GRB14: variants seen among roughly 807,000 people sequenced by gnomAD.
The protein encoded by GRB14 is growth factor receptor-bound protein 14.
In GRB14, 38 loss-of-function variants were observed where a neutral mutation model predicts 69.1. That is an observed-to-expected ratio of 0.55 (90% CI 0.42 to 0.72). GRB14 has a LOEUF of 0.72. Among genes scored for constraint, GRB14 ranks in the 30% least tolerant of loss-of-function variants. The probability of loss-of-function intolerance (pLI) is 0.00; values close to 1 mark genes in which losing one functional copy is unlikely to be tolerated. For synonymous variants in GRB14, 247 were observed against 241.3 expected (o/e 1.02, Z -0.22); for missense variants, 666 against 666.1 (o/e 1.00, Z 0.00).
chr2:164,564,949 A>G (rs1688933234), intron 2 of GRB14, among the ~76,000 whole-genome samples: 1 of 152,198 alleles, frequency 6.6e-6, no homozygotes, highest in African/African-American at 2.4e-5. Context: ...CAGGAGGCAG[A>G]GGTTGCAGTG....
At chr2:164,543,345 T>G (rs1481636850) in intron 3 of GRB14, among the ~76,000 whole-genome samples, 2 of 151,302 alleles carry the variant, frequency 1.3e-5, no homozygotes, top group African/African-American at 4.9e-5. Flanking sequence ...CATGGAATAC[T>G]ATGAAGCCAT....
intron 2 of GRB14, among the ~76,000 whole-genome samples, chr2:164,556,515 C>T (rs563681717): frequency 5.9e-5 from 9 of 152,272 alleles, no homozygotes; most frequent in Non-Finnish European, 1.2e-4. Context: ...TCACTTTATT[C>T]CCTACAATCC....
intron 2 of GRB14, among the ~76,000 whole-genome samples, chr2:164,609,680 T>C (rs1490495925): frequency 1.3e-5 from 2 of 152,210 alleles, no homozygotes; most frequent in East Asian, 3.8e-4. Context: ...CATTTAAATA[T>C]ATGACAAAAG....
chr2:164,544,517 T>C (rs1379545903), intron 3 of GRB14, among the ~76,000 whole-genome samples: 1 of 152,250 alleles, frequency 6.6e-6, no homozygotes, highest in Non-Finnish European at 1.5e-5. Flanking sequence ...CAGATATCTA[T>C]TGAGAATTAA....
intron 6 of GRB14, among the ~76,000 whole-genome samples, chr2:164,509,342 A>T (rs577452398): frequency 2.5e-4 from 38 of 152,342 alleles, no homozygotes; most frequent in African/African-American, 8.4e-4. Flanking sequence ...GTACAGTGGA[A>T]CACACCACAG....
At chr2:164,591,099 C>A (rs906718212) in intron 2 of GRB14, among the ~76,000 whole-genome samples, 1 of 152,146 alleles carries the variant, frequency 6.6e-6, no homozygotes, top group Admixed American at 6.5e-5. Context: ...TTTAACTGAG[C>A]TTTCCTCTCA....
In GRB14 at chr2:164,573,779, C is replaced by T. The variant is rs988156247; in HGVS notation, c.325-25963G>A. On this transcript the variant is annotated intron_variant, in intron 2 of 13. Transcript: ENST00000263915. The stretch of plus-strand genomic sequence containing the variant: ...CATATTTGAGACTTTCTGTCGCATC[C>T]ACCAGTGTATCAGCATTAACATGTT... 1.6e-5 allele frequency: 26 copies of T among 1,612,090 alleles called. No individual in the cohort carries two copies. In the Admixed American group the frequency reaches 4.0e-4, roughly 25 times the overall value.
chr2:164,494,538 A>C lies in GRB14; in HGVS notation c.1383-14T>G. ...ACCAAGAAAACTCTAAAGAGAGAGA[A>C]GGAATTTCAATGTTTCTATATTTAC... On this transcript the variant is annotated splice_polypyrimidine_tract_variant and intron_variant, in intron 12 of 13. Transcript: ENST00000263915. The C allele has an allele frequency of 7.8e-7, 1 of 1,280,508 alleles. No individual in the cohort carries two copies. Among genetic ancestry groups the C allele is most frequent in the African/African-American group, 1.5e-5 (1 of 68,614 alleles). The allele number at this position is 1,280,508 out of a possible 1,614,324, so 79.3% of individuals were successfully genotyped here.
chr2:164,604,144 A>C (rs1467258137), intron 2 of GRB14, among the ~76,000 whole-genome samples: 1 of 152,218 alleles, frequency 6.6e-6, no homozygotes, highest in African/African-American at 2.4e-5. Context: ...GCTGGTGGGC[A>C]CAACCACTTT....
At chr2:164,507,136 T>G (rs1484432120) in intron 8 of GRB14, among the ~76,000 whole-genome samples, 1 of 152,190 alleles carries the variant, frequency 6.6e-6, no homozygotes, top group African/African-American at 2.4e-5. Context: ...AAATAAAACT[T>G]TCTTCTAAAC....
intron 2 of GRB14, among the ~76,000 whole-genome samples, chr2:164,565,808 T>C (rs946035937): frequency 5.3e-5 from 8 of 152,176 alleles, no homozygotes; most frequent in African/African-American, 1.9e-4. Context: ...TGATAGAGAA[T>C]CTACCAAAAT....
intron 2 of GRB14, among the ~76,000 whole-genome samples, chr2:164,612,684 CT>C (rs1224070413): frequency 6.6e-6 from 1 of 152,122 alleles, no homozygotes; most frequent in Non-Finnish European, 1.5e-5. Context: ...CTGCAGAAAT[CT>C]TTTTTATATT....
At chr2:164,592,591 G>A (rs1374875965) in intron 2 of GRB14, among the ~76,000 whole-genome samples, 1 of 152,222 alleles carries the variant, frequency 6.6e-6, no homozygotes, top group Non-Finnish European at 1.5e-5. Context: ...TCAGCCACTA[G>A]ACACATAGTA....
intron 2 of GRB14, among the ~76,000 whole-genome samples, chr2:164,611,910 C>T (rs1465404822): frequency 2.0e-5 from 3 of 152,080 alleles, no homozygotes; most frequent in Non-Finnish European, 4.4e-5. Flanking sequence ...AGAAACCCTG[C>T]TTTCCACGAC....
At chr2:164,542,132 C>T (rs947490484) in intron 3 of GRB14, among the ~76,000 whole-genome samples, 2 of 152,298 alleles carry the variant, frequency 1.3e-5, no homozygotes, top group African/African-American at 2.4e-5. Flanking sequence ...CATACTCCTA[C>T]AGCCATCTGA....
In GRB14 at chr2:164,533,279, G is replaced by A. The variant is rs191675039; in HGVS notation, c.482-6144C>T. Among the ~76,000 whole-genome samples the A allele has an allele frequency of 6.0e-4, 77 of 127,620 alleles. 1 individual carries two copies. The South Asian group carries it at 0.012, about 20-fold the overall frequency. 83.7% of individuals were successfully genotyped at this position (127,620 alleles called of 152,430 possible). The stretch of plus-strand genomic sequence containing the variant: ...ATGGAGTCTTGCTCTGTCGCCCATG[G>A]TGGAGTGCAGTGGCGCAATCTCGGC... On this transcript the variant is annotated intron_variant, in intron 3 of 13. Transcript: ENST00000263915.
intron 8 of GRB14, among the ~76,000 whole-genome samples, chr2:164,503,178 A>G (rs1484231854): frequency 6.6e-6 from 1 of 150,980 alleles, no homozygotes; most frequent in Non-Finnish European, 1.5e-5. Context: ...TTAAAAAAAA[A>G]AAAAAAAAAG....
At chr2:164,547,030 G>C (rs990328438) in intron 3 of GRB14, among the ~76,000 whole-genome samples, 5 of 152,044 alleles carry the variant, frequency 3.3e-5, no homozygotes, top group African/African-American at 1.2e-4. Flanking sequence ...GCACCACCTA[G>C]AGCCAAAAAG....
chr2:164,517,152 A>T (rs1271273304), intron 6 of GRB14, among the ~76,000 whole-genome samples: 3 of 152,192 alleles, frequency 2.0e-5, no homozygotes, highest in African/African-American at 7.2e-5. Flanking sequence ...TCACAGCAGA[A>T]GGTGAAAGGC....
Sources: gnomAD v4.1 joint callset for allele counts (sites outside exome capture counted in the v4.1 genomes callset) on GRCh38, gnomAD v4.1.1 for gene constraint, MANE v1.5 for transcripts, NCBI Gene and HGNC (gene_info 2026-07-23, HGNC 2026-07-21) for gene names.